FARP1: variants seen among roughly 807,000 people sequenced by gnomAD.
FARP1 encodes FERM, ARH/RhoGEF and pleckstrin domain protein 1, also known as FERM, ARHGEF and pleckstrin domain-containing protein 1.
In FARP1, 52 loss-of-function variants were observed where a neutral mutation model predicts 128.8. The ratio of observed to expected loss-of-function variants is 0.40; its 90% CI spans 0.32 to 0.51. The LOEUF is 0.51. Ranked by LOEUF, FARP1 falls within the 20% of genes least tolerant of loss-of-function variation. The pLI is 0.45. For missense variants in FARP1, 1,333 were observed against 1,367.9 expected, an observed-to-expected ratio of 0.97 and a Z score of 0.40; for synonymous variants, 580 against 551.8, an observed-to-expected ratio of 1.05 and a Z score of -0.72.
intron 24 of FARP1, among the ~76,000 whole-genome samples, chr13:98,443,846 G>GGC (rs1566326097): frequency 6.6e-5 from 10 of 152,394 alleles, no homozygotes; most frequent in South Asian, 6.2e-4. Flanking sequence ...ACAGGACTGG[G>GGC]AGGAGGGAAG....
At chr13:98,241,220 G>A (rs1882752398) in intron 2 of FARP1, among the ~76,000 whole-genome samples, 1 of 152,144 alleles carries the variant, frequency 6.6e-6, no homozygotes, top group South Asian at 2.1e-4. Context: ...GAAGGCTGTG[G>A]GTGTGGCGGG....
chr13:98,396,461 A>G, intron 13 of FARP1: 1 of 8,476 alleles, frequency 1.2e-4, no homozygotes, highest in Non-Finnish European at 2.2e-4. Context: ...CAGGAGGAGG[A>G]TGAGTGAGGA....
chr13:98,277,148 A>ACACACACACACACACACACCC (rs372627844), intron 2 of FARP1, among the ~76,000 whole-genome samples: 1 of 138,580 alleles, frequency 7.2e-6, no homozygotes, highest in South Asian at 2.3e-4. Context: ...ACACACACAC[A>ACACACACACACACACACACCC]CCCCATATGT....
Position 98,411,978 on chromosome 13 carries a change from T to C in FARP1, c.1770T>C (p.Pro590=), listed in dbSNP as rs1891209882. The change falls in exon 16 of 27, where the codon CCT becomes CCC. Residue 590 remains proline (P), a synonymous_variant. Transcript: ENST00000319562. The part of the protein sequence containing the change: ...LKSLIFPNFE[P]LHKFHTNFLK... ...GTCTCATATTCCCGAATTTTGAACC[T>C]TTGCACAAATTTCATACTAATTTTC... The C allele has an allele frequency of 6.2e-7, 1 of 1,614,080 alleles. No homozygotes were observed. The highest frequency in any genetic ancestry group is 8.5e-7 in the Non-Finnish European group (1 of 1,179,924).
intron 2 of FARP1, among the ~76,000 whole-genome samples, chr13:98,237,996 A>G (rs1882527397): frequency 6.6e-6 from 1 of 152,154 alleles, no homozygotes; most frequent in Non-Finnish European, 1.5e-5. Flanking sequence ...AGACTCTAAT[A>G]ATATGATTTG....
intron 11 of FARP1, among the ~76,000 whole-genome samples, chr13:98,392,320 A>AC (rs1216625202): frequency 1.7e-5 from 1 of 59,624 alleles, no homozygotes. Flanking sequence ...GCTCATCTCT[A>AC]CCCAAAAAAA....
intron 2 of FARP1, among the ~76,000 whole-genome samples, chr13:98,231,478 C>T (rs1882111772): frequency 6.6e-6 from 1 of 152,098 alleles, no homozygotes; most frequent in African/African-American, 2.4e-5. Flanking sequence ...CGCTCTACTG[C>T]CCAAGCTGGA....
At chr13:98,189,393 A>G (rs528541701) in intron 1 of FARP1, among the ~76,000 whole-genome samples, 1 of 152,226 alleles carries the variant, frequency 6.6e-6, no homozygotes, top group Non-Finnish European at 1.5e-5. Context: ...ACTGTTTCAG[A>G]CCAAGTTCAC....
chr13:98,381,333 A>T (rs1390044145), intron 6 of FARP1, among the ~76,000 whole-genome samples: 1 of 152,130 alleles, frequency 6.6e-6, no homozygotes, highest in African/African-American at 2.4e-5. Flanking sequence ...CAGAAACTAT[A>T]TTACCCCTAA....
chr13:98,244,066 C>G (rs999654321), intron 2 of FARP1, among the ~76,000 whole-genome samples: 4 of 151,826 alleles, frequency 2.6e-5, no homozygotes, highest in African/African-American at 7.3e-5. Context: ...TTCTCTGGGG[C>G]CATTTGAACT....
At chr13:98,437,222 C>CT (rs2139094971) in intron 19 of FARP1, among the ~76,000 whole-genome samples, 1 of 152,326 alleles carries the variant, frequency 6.6e-6, no homozygotes, top group East Asian at 1.9e-4. Flanking sequence ...CTATCACACA[C>CT]TGGCCGATCA....
chr13:98,398,472 C>T (rs1317689349), intron 13 of FARP1: 2 of 152,174 alleles, frequency 1.3e-5, no homozygotes, highest in Admixed American at 6.5e-5. Flanking sequence ...ACTGTAACCT[C>T]GTCTCTAGGC....
At chr13:98,326,738 G>A (rs1486310194) in intron 2 of FARP1, among the ~76,000 whole-genome samples, 3 of 152,184 alleles carry the variant, frequency 2.0e-5, no homozygotes, top group African/African-American at 7.2e-5. Flanking sequence ...GTCATCTCAC[G>A]TAGTTGAGGA....
At chr13:98,147,763 C>A (rs1230539233) in intron 1 of FARP1, among the ~76,000 whole-genome samples, 1 of 151,922 alleles carries the variant, frequency 6.6e-6, no homozygotes, top group Non-Finnish European at 1.5e-5. Flanking sequence ...CTCAAGCAAT[C>A]CTTTCATCTC....
intron 1 of FARP1, among the ~76,000 whole-genome samples, chr13:98,201,498 G>C (rs528647688): frequency 1.3e-5 from 2 of 151,882 alleles, no homozygotes; most frequent in East Asian, 3.9e-4. Flanking sequence ...CAAGAGTGTT[G>C]AACAGCAGAG....
intron 7 of FARP1, among the ~76,000 whole-genome samples, chr13:98,385,286 T>C (rs965230450): frequency 6.6e-6 from 1 of 152,218 alleles, no homozygotes; most frequent in Non-Finnish European, 1.5e-5. Context: ...CTGACGGCCA[T>C]GTGAAAAAGT....
chr13:98,158,546 C>G (rs1379061844), intron 1 of FARP1, among the ~76,000 whole-genome samples: 1 of 152,086 alleles, frequency 6.6e-6, no homozygotes, highest in Non-Finnish European at 1.5e-5. Context: ...TTGTCCAGGT[C>G]AGTGGGATGC....
chr13:98,326,559 C>T (rs1887243913), intron 2 of FARP1, among the ~76,000 whole-genome samples: 1 of 152,188 alleles, frequency 6.6e-6, no homozygotes, highest in Non-Finnish European at 1.5e-5. Flanking sequence ...GTTCCTGCAT[C>T]TCCTCTCCTG....
At chr13:98,277,152 C>A (rs1884700508) in intron 2 of FARP1, among the ~76,000 whole-genome samples, 1 of 11,402 alleles carries the variant, frequency 8.8e-5, no homozygotes, top group African/African-American at 2.1e-4. Flanking sequence ...ACACACACCC[C>A]ATATGTATAT....
Sources: allele counts gnomAD v4.1 joint callset (sites outside exome capture counted in the v4.1 genomes callset), GRCh38; gene constraint gnomAD v4.1.1; transcripts MANE v1.5; gene names NCBI Gene and HGNC (gene_info 2026-07-23, HGNC 2026-07-21).